SGCD: variants seen among roughly 807,000 people sequenced by gnomAD.
The protein encoded by SGCD is sarcoglycan delta.
SGCD carries 18 observed loss-of-function variants against 36.6 expected under a neutral mutation model. The observed-to-expected ratio is 0.49, with a 90% CI of 0.34 to 0.73. The LOEUF (loss-of-function observed/expected upper bound fraction) is 0.73. Among genes scored for constraint, SGCD ranks in the 30% least tolerant of loss-of-function variants. SGCD has a pLI of 0.01. For missense variants in SGCD, 387 were observed against 346.7 expected (o/e 1.12, Z -0.92); for synonymous variants, 133 against 130.6 (o/e 1.02, Z -0.12).
intron 3 of SGCD, among the ~76,000 whole-genome samples, chr5:156,247,414 GT>G (rs1423334313): frequency 6.6e-6 from 1 of 152,118 alleles, no homozygotes; most frequent in African/African-American, 2.4e-5. Context: ...ATTTATAATA[GT>G]TTTTTTGGTG....
In SGCD at chr5:156,052,448, G is replaced by A. The variant is rs769960512; in HGVS notation, c.-281-65430G>A. 1.4e-4 allele frequency among the ~76,000 whole-genome samples: 20 copies of A among 146,396 alleles called. 3 individuals are homozygous for A. Among genetic ancestry groups the A allele is most frequent in the Non-Finnish European group, 2.3e-4 (15 of 64,894 alleles). On this transcript the variant is annotated intron_variant, in intron 1 of 9. Transcript: ENST00000517913. ...AAGTGTGATGAAAGGAAGCCTAGGG[G>A]CTTGGAGGACTAAGTTTATAAAAGA...
chr5:155,871,042 G>GT (rs1249626259), intron 1 of SGCD, among the ~76,000 whole-genome samples: 178 of 150,590 alleles, frequency 1.2e-3, no homozygotes, highest in East Asian at 3.7e-3. Context: ...ATTGATTTCG[G>GT]TTTTTTTTTG....
At chr5:156,747,809 C>T (rs1241872638) in intron 7 of SGCD, among the ~76,000 whole-genome samples, 1 of 152,118 alleles carries the variant, frequency 6.6e-6, no homozygotes, top group African/African-American at 2.4e-5. Context: ...GACAAGGATT[C>T]CTGGGGACCA....
At chr5:155,969,683 C>G (rs1165590064) in intron 1 of SGCD, among the ~76,000 whole-genome samples, 1 of 152,098 alleles carries the variant, frequency 6.6e-6, no homozygotes, top group African/African-American at 2.4e-5. Flanking sequence ...TTCTAAGCTT[C>G]TTTAGAACAG....
At chr5:156,134,861 A>AATG (rs1762418495) in intron 3 of SGCD, among the ~76,000 whole-genome samples, 1 of 151,842 alleles carries the variant, frequency 6.6e-6, no homozygotes, top group South Asian at 2.1e-4. Context: ...TAATAATAAT[A>AATG]AAGTTCCAGT....
At chr5:156,398,805 G>A (rs1771996180) in intron 3 of SGCD, among the ~76,000 whole-genome samples, 1 of 152,040 alleles carries the variant, frequency 6.6e-6, no homozygotes, top group African/African-American at 2.4e-5. Context: ...ATATATTGAG[G>A]GTGGCAGAGC....
chr5:155,803,100 G>C, the SGCD span, among the ~76,000 whole-genome samples: 7 of 152,336 alleles, frequency 4.6e-5, no homozygotes, highest in Middle Eastern at 3.4e-3. Context: ...TAGCTACTCT[G>C]TTCAAGCATT....
At chr5:156,550,322 C>T (rs1180902121) in intron 4 of SGCD, among the ~76,000 whole-genome samples, 2 of 152,200 alleles carry the variant, frequency 1.3e-5, no homozygotes, top group Non-Finnish European at 2.9e-5. Flanking sequence ...AGGAAATGGA[C>T]ATTCTATAAG....
chr5:155,787,617 CT>C, the SGCD span, among the ~76,000 whole-genome samples: 1 of 152,114 alleles, frequency 6.6e-6, no homozygotes, highest in African/African-American at 2.4e-5. Context: ...CCAGTTGCTA[CT>C]TTAGTTTCCT....
intron 1 of SGCD, among the ~76,000 whole-genome samples, chr5:155,933,072 G>C (rs948761729): frequency 6.6e-6 from 1 of 152,184 alleles, no homozygotes; most frequent in Non-Finnish European, 1.5e-5. Flanking sequence ...AGACAGGGCT[G>C]CAACTAGAAT....
intron 3 of SGCD, among the ~76,000 whole-genome samples, chr5:156,218,630 A>G (rs1208912136): frequency 6.6e-6 from 1 of 152,154 alleles, no homozygotes; most frequent in Non-Finnish European, 1.5e-5. Context: ...TGTGTGAGAA[A>G]GGTCAGAGTC....
chr5:156,014,361 A>C (rs1263017753), intron 1 of SGCD, among the ~76,000 whole-genome samples: 1 of 152,156 alleles, frequency 6.6e-6, no homozygotes, highest in African/African-American at 2.4e-5. Flanking sequence ...TAGCACAAAC[A>C]ACTCCTGCAT....
chr5:156,670,979 C>T (rs966321300), intron 7 of SGCD, among the ~76,000 whole-genome samples: 1 of 151,796 alleles, frequency 6.6e-6, no homozygotes, highest in Non-Finnish European at 1.5e-5. Flanking sequence ...GTATTTCTTC[C>T]TCTGCCCTTT....
chr5:156,091,778 T>C (rs1761250498), intron 1 of SGCD, among the ~76,000 whole-genome samples: 1 of 152,244 alleles, frequency 6.6e-6, no homozygotes, highest in Non-Finnish European at 1.5e-5. Flanking sequence ...GTAGCCTCCT[T>C]TTGTTCCAGC....
intron 1 of SGCD, among the ~76,000 whole-genome samples, chr5:156,106,722 G>C (rs1211435852): frequency 6.6e-6 from 1 of 152,176 alleles, no homozygotes. Context: ...TATGTATCAC[G>C]TAAGTCTCTT....
At chr5:156,595,754 A>G (rs995936714) in intron 6 of SGCD, among the ~76,000 whole-genome samples, 1 of 152,236 alleles carries the variant, frequency 6.6e-6, no homozygotes, top group African/African-American at 2.4e-5. Context: ...AGAATCATCT[A>G]GGAAACTTTG....
chr5:156,067,926 G>C (rs1411989287), intron 1 of SGCD, among the ~76,000 whole-genome samples: 1 of 146,946 alleles, frequency 6.8e-6, no homozygotes, highest in Admixed American at 6.6e-5. Context: ...GGGAGCTGTA[G>C]ACCGGAGCTG....
At chr5:156,590,955 C>G (rs1221635154) in intron 5 of SGCD, among the ~76,000 whole-genome samples, 3 of 151,940 alleles carry the variant, frequency 2.0e-5, no homozygotes, top group Non-Finnish European at 2.9e-5. Context: ...ATTCTTGACT[C>G]TATCCCTCCA....
At chr5:156,335,435 A>G (rs925469120) in intron 2 of SGCD, among the ~76,000 whole-genome samples, 5 of 152,262 alleles carry the variant, frequency 3.3e-5, no homozygotes, top group African/African-American at 7.2e-5. Context: ...CTCTATGTCT[A>G]TGGCTTTCAA....
Sources: gnomAD v4.1 joint callset for allele counts (sites outside exome capture counted in the v4.1 genomes callset) on GRCh38, gnomAD v4.1.1 for gene constraint, MANE v1.5 for transcripts, NCBI Gene and HGNC (gene_info 2026-07-23, HGNC 2026-07-21) for gene names.